PCDHGA5: variants seen among roughly 807,000 people sequenced by gnomAD.
PCDHGA5 encodes protocadherin gamma-A5.
A neutral mutation model predicts 56.7 loss-of-function variants in PCDHGA5; 36 were observed. The ratio of observed to expected loss-of-function variants is 0.64; its 90% CI spans 0.49 to 0.84. The LOEUF is 0.84. PCDHGA5 is among the 40% of genes least tolerant of loss of function. The pLI is 0.00. For missense variants in PCDHGA5, 1,305 were observed against 1,201.5 expected (o/e 1.09, Z -1.27); for synonymous variants, 563 against 520.2 (o/e 1.08, Z -1.12).
chr5:141,381,965 G>C (rs571350764), intron 1 of PCDHGA5, among the ~76,000 whole-genome samples: 96 of 151,186 alleles, frequency 6.3e-4, no homozygotes, highest in African/African-American at 2.2e-3. Flanking sequence ...GAGTAGCTGG[G>C]ATTACAGGCG....
chr5:141,476,979 G>A lies in PCDHGA5; in HGVS notation c.2422-17828G>A, dbSNP rs772801536. On this transcript the variant is annotated intron_variant, in intron 1 of 3. Coordinates refer to ENST00000518069, the MANE Select transcript of PCDHGA5 (RefSeq NM_018918.3). The surrounding 1 kb of genome is among the most constrained non-coding windows in gnomAD (Gnocchi z 7.6). ...ATTTACTCCTTCGGCAGCCACAACC[G>A]CGCCGGCGTGCGGCAACTATTCGCC... The A allele has an allele frequency of 1.9e-6, 3 of 1,614,238 alleles. No homozygotes were observed. The South Asian group carries it at 3.3e-5, about 18-fold the overall frequency.
In PCDHGA5 at chr5:141,422,647, T is replaced by G. The variant is rs773990745; in HGVS notation, c.2421+55896T>G. 2.5e-6 allele frequency: 4 copies of G among 1,611,858 alleles called. No individual in the cohort carries two copies. In the South Asian group the frequency reaches 4.4e-5, roughly 18 times the overall value. On this transcript the variant is annotated intron_variant, in intron 1 of 3. Transcript: ENST00000518069. ...CAACCCCAGGGGTGCCTCCATCTTC[T>G]CAGTGACCGCCCTCGACCCGGACAG...
chr5:141,408,461 A>G, intron 1 of PCDHGA5: 4 of 1,614,044 alleles, frequency 2.5e-6, no homozygotes, highest in Non-Finnish European at 3.4e-6. Context: ...CTTACTTGTG[A>G]AGAACCGAAT....
intron 1 of PCDHGA5, chr5:141,385,702 C>A: frequency 3.6e-6 from 1 of 278,020 alleles, no homozygotes; most frequent in Non-Finnish European, 5.7e-6. Context: ...TTCTCTTTAG[C>A]ATTCAAATAT....
At chr5:141,372,535 G>A in intron 1 of PCDHGA5, 2 of 1,613,924 alleles carry the variant, frequency 1.2e-6, no homozygotes, top group Non-Finnish European at 1.7e-6. Flanking sequence ...ATCTCCCTGC[G>A]CCTGCGATGC....
At position 141,376,592 on chromosome 5, in the gene PCDHGA5, C is replaced by T. The variant is rs373550079; in HGVS notation, c.2421+9841C>T. 8 of 1,565,128 alleles carry T rather than the reference C, an allele frequency of 5.1e-6. No individual in the cohort carries two copies. In the East Asian group the frequency reaches 1.4e-4, roughly 27 times the overall value. On this transcript the variant is annotated intron_variant, in intron 1 of 3. Coordinates refer to ENST00000518069, the MANE Select transcript of PCDHGA5 (RefSeq NM_018918.3). ...CAGACAGGCTCATCAGCTAGATCGG[C>T]TGTTATAGAAGCGAACCTCTTTTGG...
chr5:141,415,461 T>C, intron 1 of PCDHGA5: 5 of 1,614,180 alleles, frequency 3.1e-6, no homozygotes, highest in Non-Finnish European at 4.2e-6. Context: ...ACGAGGTCTC[T>C]CTCACCGCGG....
At chr5:141,502,978 G>T (rs1004984942) in intron 2 of PCDHGA5, among the ~76,000 whole-genome samples, 1 of 150,096 alleles carries the variant, frequency 6.7e-6, no homozygotes, top group Non-Finnish European at 1.5e-5. Context: ...CAAGTAGCTG[G>T]GATTACAGGC....
chr5:141,470,147 T>A (rs1394329530), intron 1 of PCDHGA5, among the ~76,000 whole-genome samples: 1 of 152,172 alleles, frequency 6.6e-6, no homozygotes. Context: ...AGATCATAGA[T>A]CATCTTATCA....
chr5:141,427,616 C>T (rs922511046), intron 1 of PCDHGA5: 1 of 693,880 alleles, frequency 1.4e-6, no homozygotes, highest in Non-Finnish European at 2.6e-6. Context: ...GTGAAGTCAA[C>T]GACAATGCTC....
chr5:141,460,097 G>A (rs2098982102), intron 1 of PCDHGA5, among the ~76,000 whole-genome samples: 2 of 151,812 alleles, frequency 1.3e-5, no homozygotes, highest in African/African-American at 2.4e-5. Context: ...AATTATACAT[G>A]TAATTATATA....
chr5:141,382,167 G>A (rs1003056701), intron 1 of PCDHGA5, among the ~76,000 whole-genome samples: 7 of 152,038 alleles, frequency 4.6e-5, no homozygotes, highest in African/African-American at 1.7e-4. Context: ...GAAGGTGTTA[G>A]ACCGTCTCTA....
Position 141,431,711 on chromosome 5 carries a change from G to T in PCDHGA5, c.2422-63096G>T. On this transcript the variant is annotated intron_variant, in intron 1 of 3. Coordinates refer to ENST00000518069, the MANE Select transcript of PCDHGA5 (RefSeq NM_018918.3). This position sits in a 1 kb window ranked among gnomAD's most constrained non-coding sequence, Gnocchi z 4.8. ...CGAGGAGTCAGGATTCTACCAGATG[G>T]AAGTGCAAGCAATGGATAATGCAGG... 1 of 1,614,230 alleles carries T rather than the reference G, an allele frequency of 6.2e-7. No homozygotes were observed. The highest frequency in any genetic ancestry group is 1.1e-5 in the South Asian group (1 of 91,092).
Position 141,476,294 on chromosome 5 carries a change from A to G in PCDHGA5, c.2422-18513A>G. 6.2e-7 allele frequency: 1 copy of G among 1,613,036 alleles called. No homozygotes were observed. The highest frequency in any genetic ancestry group is 8.5e-7 in the Non-Finnish European group (1 of 1,179,642). On this transcript the variant is annotated intron_variant, in intron 1 of 3. Transcript: ENST00000518069. The surrounding 1 kb of genome is among the most constrained non-coding windows in gnomAD (Gnocchi z 7.6). ...CGCGAACCTTGGTTTGGATCTCGGT[A>G]GCCTCTCAGCCCGCAGGTTCCGGGT...
chr5:141,370,357 C>G, intron 1 of PCDHGA5: 2 of 1,511,536 alleles, frequency 1.3e-6, no homozygotes, highest in East Asian at 2.3e-5. Flanking sequence ...AAGATCTCCT[C>G]TCCTCGGATT....
At chr5:141,418,029 G>A (rs775326655) in intron 1 of PCDHGA5, 1 of 1,614,022 alleles carries the variant, frequency 6.2e-7, no homozygotes, top group Non-Finnish European at 8.5e-7. Context: ...CTAGGGCTTA[G>A]TGTCCTGGAT....
chr5:141,377,571 G>A (rs1188090213), intron 1 of PCDHGA5: 1 of 151,658 alleles, frequency 6.6e-6, no homozygotes, highest in African/African-American at 2.4e-5. Context: ...ACCCTAGCCT[G>A]GGAGACAGAA....
chr5:141,450,490 T>C (rs1480357834), intron 1 of PCDHGA5, among the ~76,000 whole-genome samples: 1 of 152,164 alleles, frequency 6.6e-6, no homozygotes, highest in Non-Finnish European at 1.5e-5. Context: ...TTTGTTTGTC[T>C]GTTTGTTTGT....
In PCDHGA5 at chr5:141,374,497, G is replaced by A. The variant is rs778938878; in HGVS notation, c.2421+7746G>A. On this transcript the variant is annotated intron_variant, in intron 1 of 3. Coordinates refer to ENST00000518069, the MANE Select transcript of PCDHGA5 (RefSeq NM_018918.3). ...CACCCCGATTCTTAAAGGAAGAATT[G>A]GAAGTGAAAATTCTCGAAAACGCAG... 7.4e-6 allele frequency: 12 copies of A among 1,611,444 alleles called. No homozygotes were observed. The Admixed American group carries it at 1.2e-4, about 16-fold the overall frequency.
Sources: gnomAD v4.1 joint callset for allele counts (sites outside exome capture counted in the v4.1 genomes callset) on GRCh38, gnomAD v4.1.1 for gene constraint, Gnocchi (gnomAD v3.1) non-coding constraint, MANE v1.5 for transcripts, NCBI Gene and HGNC (gene_info 2026-07-23, HGNC 2026-07-21) for gene names.